Variants in KIF21B observed in about 807,000 individuals in gnomAD.
The protein encoded by KIF21B is kinesin-like protein KIF21B.
Under a neutral mutation model 192.9 loss-of-function variants are expected in KIF21B, and 85 were observed. The ratio of observed to expected loss-of-function variants is 0.44; its 90% confidence interval spans 0.37 to 0.53. The LOEUF (loss-of-function observed/expected upper bound fraction) is 0.53, where lower values mean the gene tolerates loss of function less well. Among genes scored for constraint, KIF21B ranks in the 20% least tolerant of loss-of-function variants. KIF21B has a pLI of 0.00. For synonymous variants in KIF21B, 832 were observed against 884.6 expected (o/e 0.94, Z 1.05); for missense variants, 1,716 against 2,194.8 (o/e 0.78, Z 4.36).
At chr1:201,004,975 C>T in intron 5 of KIF21B, 42 bp from the exon 6 acceptor site, 4 of 1,574,882 alleles carry the variant, frequency 2.5e-6, no homozygotes, top group Non-Finnish European at 3.5e-6. Context: ...CCCTCGCCCA[C>T]CTCACTGGCT....
chr1:200,984,470 C>T (rs1571920016), intron 27 of KIF21B, among the ~76,000 whole-genome samples: 1 of 152,160 alleles, frequency 6.6e-6, no homozygotes, highest in East Asian at 1.9e-4. Context: ...TGGGAGAATG[C>T]ACAGAGAGTG....
chr1:200,996,733 T>C (rs1657092885), intron 14 of KIF21B, among the ~76,000 whole-genome samples: 1 of 152,122 alleles, frequency 6.6e-6, no homozygotes, highest in Admixed American at 6.5e-5. Flanking sequence ...AGGAAAGAGC[T>C]GGGGCCTGTG....
chr1:201,021,678 G>C (rs886930704), intron 1 of KIF21B, among the ~76,000 whole-genome samples: 5 of 152,206 alleles, frequency 3.3e-5, no homozygotes, highest in Non-Finnish European at 7.4e-5. Context: ...CCAGCCTGGA[G>C]ACCTGAACAG....
chr1:200,990,162 G>T lies in KIF21B; in HGVS notation c.3006C>A (p.Thr1002=), dbSNP rs1162904701. 6.2e-7 allele frequency: 1 copy of T among 1,613,910 alleles called. No homozygotes were observed. The highest frequency in any genetic ancestry group is 8.5e-7 in the Non-Finnish European group (1 of 1,179,886). Residue 1002 remains threonine, a synonymous_variant, in exon 20 of 35, where the codon ACC becomes ACA. Transcript: ENST00000461742. This position sits in a 1 kb window ranked among gnomAD's most constrained non-coding sequence, Gnocchi z 5.4. ...CCTTGGTCTCCTCCAGCTGCACGAT[G>T]GTGGCCTGGCAGTCGGTGATGCCGT... ...INDGITDCQA[T]IVQLEETKEE...
Position 201,000,605 on chromosome 1 carries a change from A to G in KIF21B, c.1470T>C (p.Thr490=). The G allele has an allele frequency of 2.5e-6, 4 of 1,613,372 alleles. No individual in the cohort carries two copies. The highest frequency in any genetic ancestry group is 3.4e-6 in the Non-Finnish European group (4 of 1,179,858). ...NYIREIEELR[T]KLLESEAMNE... ...TCATGGCTTCACTCTCTAGAAGCTT[A>G]GTCCTGCACAGGAAGAACGAGTGGA... Residue 490 remains threonine (T), a synonymous_variant, in exon 11 of 35, where the codon ACT becomes ACC. Transcript: ENST00000461742. This position sits in a 1 kb window ranked among gnomAD's most constrained non-coding sequence, Gnocchi z 6.0.
Position 200,982,650 on chromosome 1 carries a change from C to T in KIF21B, c.3842+406G>A, listed in dbSNP as rs1656019202. Among the ~76,000 whole-genome samples the T allele has an allele frequency of 6.6e-6, 1 of 152,166 alleles. No individual in the cohort carries two copies. The highest frequency in any genetic ancestry group is 6.5e-5 in the Admixed American group (1 of 15,284). On this transcript the variant is annotated intron_variant, in intron 28 of 34. Coordinates refer to ENST00000461742, the MANE Select transcript of KIF21B (RefSeq NM_001252102.2). The surrounding 1 kb of genome is among the most constrained non-coding windows in gnomAD (Gnocchi z 4.7). ...GCACAAGCTGAGGGAATCAAAGGAC[C>T]CAGAGCACACCACCGGCACCCCCAA...
At position 200,990,745 on chromosome 1, in the gene KIF21B, G is replaced by T. The variant is rs1250625849; in HGVS notation, c.2688-22C>A. 10 of 1,613,428 alleles carry T rather than the reference G, an allele frequency of 6.2e-6. No individual in the cohort carries two copies. Among genetic ancestry groups the T allele is most frequent in the Non-Finnish European group, 8.5e-6 (10 of 1,179,696 alleles). On this transcript the variant is annotated intron_variant, in intron 18 of 34. Coordinates refer to ENST00000461742, the MANE Select transcript of KIF21B (RefSeq NM_001252102.2). The surrounding 1 kb of genome is among the most constrained non-coding windows in gnomAD (Gnocchi z 5.4). Reference sequence around the variant, plus strand: ...CTTTCTGGGAGACATAGGCAAAGGGGATTGGATGGGACTCCTTTTAACCTC... The same window carrying T: ...CTTTCTGGGAGACATAGGCAAAGGGTATTGGATGGGACTCCTTTTAACCTC...
chr1:201,015,595 C>T (rs1030797974), intron 1 of KIF21B, among the ~76,000 whole-genome samples: 21 of 152,326 alleles, frequency 1.4e-4, no homozygotes, highest in African/African-American at 5.1e-4. Context: ...ATGCCTGGCT[C>T]AGCCTGGGCA....
rs1656190115 is a variant in KIF21B at position 200,984,947 on chromosome 1, G to C, written c.3715C>G (p.Pro1239Ala). Residue 1239 changes from proline to alanine, a missense_variant, in exon 27 of 35, where the codon CCA (proline) becomes GCA (alanine). Pro to Ala is a conservative substitution (Grantham distance 27). Transcript: ENST00000461742. ...CGGGGCCGAGTGGGAGGGGATGATGGGGGTGTGAATCCCACATCTGTGGAC... is the reference window on the plus strand; with the variant it reads ...CGGGGCCGAGTGGGAGGGGATGATGCGGGTGTGAATCCCACATCTGTGGAC... ...IRSTDVGFTPPSSPPTRPRND... is the reference protein window; with the variant it reads ...IRSTDVGFTPASSPPTRPRND... 3 of 1,607,836 alleles carry C rather than the reference G, an allele frequency of 1.9e-6. No individual in the cohort carries two copies. In the East Asian group the frequency reaches 6.8e-5, roughly 36 times the overall value.
rs1655122139 is a variant in KIF21B, at chr1:200,969,607, G to C, written c.*3914C>G. ...TGGGCAGGACATGATTGCTAGAAAA[G>C]AGTTGGTGGGCAGGGCAGGGCCCTG... On this transcript the variant is annotated 3_prime_UTR_variant, in exon 35 of 35. Transcript: ENST00000461742. 1 of 152,758 alleles carries C rather than the reference G, an allele frequency of 6.5e-6. No homozygotes were observed. Among genetic ancestry groups the C allele is most frequent in the South Asian group, 2.1e-4 (1 of 4,836 alleles). The allele number at this position is 152,758 out of a possible 1,614,324, so 9.5% of individuals were successfully genotyped here.
At chr1:200,988,606 G>A (rs1656461529) in intron 22 of KIF21B, 62 bp from the exon 23 acceptor site, 7 of 1,472,622 alleles carry the variant, frequency 4.8e-6, no homozygotes, top group Non-Finnish European at 6.5e-6. Flanking sequence ...TCGGGGGAGG[G>A]ATGATGGTCT....
In KIF21B at chr1:200,990,279, C is replaced by T; in HGVS notation, c.2889G>A (p.Arg963=). 6.2e-7 allele frequency: 1 copy of T among 1,613,734 alleles called. No individual in the cohort carries two copies. Among genetic ancestry groups the T allele is most frequent in the Non-Finnish European group, 8.5e-7 (1 of 1,179,940 alleles). ...LQEALRRKRE[R]LQAESPEEEK... is the part of the protein sequence containing the mutation. ...CTTCCTCGGGGCTCTCAGCCTGCAG[C>T]CGCTCCCGCTTCCTCCGCAGTGCCT... The change falls in exon 20 of 35, where the codon CGG becomes CGA. Residue 963 remains arginine (R), a synonymous_variant. Transcript: ENST00000461742. The surrounding 1 kb of genome is among the most constrained non-coding windows in gnomAD (Gnocchi z 5.4).
At position 201,009,277 on chromosome 1, in the gene KIF21B, C is replaced by T; in HGVS notation, c.253G>A (p.Ala85Thr). 3 of 1,614,122 alleles carry T rather than the reference C, an allele frequency of 1.9e-6. No individual in the cohort carries two copies. The highest frequency in any genetic ancestry group is 2.5e-6 in the Non-Finnish European group (3 of 1,179,980). Residue 85 changes from alanine (A) to threonine (T), a missense_variant, in exon 2 of 35, where the codon GCC becomes ACC. Coordinates refer to ENST00000461742, the MANE Select transcript of KIF21B (RefSeq NM_001252102.2). ...CFEGYNATVL[A>T]YGQTGAGKTY... ...TGAAGATGGCTTACCTGCCCATAGG[C>T]CAGCACCGTGGCATTATAGCCCTCG...
At chr1:200,981,203 G>A (rs1344992854) in intron 28 of KIF21B, 107 bp from the exon 29 acceptor site, 2 of 1,224,966 alleles carry the variant, frequency 1.6e-6, no homozygotes, top group East Asian at 5.4e-5. Context: ...AGGGGATGAG[G>A]ACCAAATAAC....
intron 1 of KIF21B, among the ~76,000 whole-genome samples, chr1:201,015,338 G>A (rs1354695706): frequency 6.6e-6 from 1 of 152,218 alleles, no homozygotes; most frequent in African/African-American, 2.4e-5. Flanking sequence ...GAACCAGACA[G>A]CTGGACTAGA....
chr1:201,003,286 A>C, intron 8 of KIF21B: 1 of 459,642 alleles, frequency 2.2e-6, no homozygotes, highest in Non-Finnish European at 4.0e-6. Context: ...AACACCCTGG[A>C]GAGTGTCTGC....
rs1273292651 is a variant in KIF21B, at chr1:200,990,421, G to A, written c.2836-89C>T. 5.4e-6 allele frequency: 8 copies of A among 1,476,216 alleles called. No homozygotes were observed. The highest frequency in any genetic ancestry group is 2.3e-5 in the East Asian group (1 of 43,618). The allele number at this position is 1,476,216 out of a possible 1,614,324, so 91.4% of individuals were successfully genotyped here. A position where few individuals can be genotyped will look rare whatever the true frequency, so the allele number is the denominator to read the frequency against. The stretch of plus-strand genomic sequence containing the variant: ...TGCCCATAGCTTCCACCACAGGCTG[G>A]CCTGTGAGGTCCCCCCAGCACCTCT... On this transcript the variant is annotated intron_variant, in intron 19 of 34. Transcript: ENST00000461742. The surrounding 1 kb of genome is among the most constrained non-coding windows in gnomAD (Gnocchi z 5.4).
rs1324281887 is a variant in KIF21B, at chr1:200,980,856, C to G, written c.3979+104G>C. On this transcript the variant is annotated intron_variant, in intron 29 of 34. Transcript: ENST00000461742. ...CAAATAGACCCCATATCCTCAACTCCTGGGGGCTCTATGTTCTTTTCTCCT... is the reference window on the plus strand; with the variant it reads ...CAAATAGACCCCATATCCTCAACTCGTGGGGGCTCTATGTTCTTTTCTCCT... The G allele has an allele frequency of 2.8e-6, 4 of 1,424,812 alleles. No individual in the cohort carries two copies. The Admixed American group carries it at 7.6e-5, about 27-fold the overall frequency. The allele number at this position is 1,424,812 out of a possible 1,614,324, so 88.3% of individuals were successfully genotyped here.
At chr1:201,013,359 C>T (rs765398625) in intron 1 of KIF21B, among the ~76,000 whole-genome samples, 2 of 152,180 alleles carry the variant, frequency 1.3e-5, no homozygotes, top group African/African-American at 2.4e-5. Flanking sequence ...CCCGGCCCCA[C>T]CCTTGGTGAG....
Sources: allele counts gnomAD v4.1 joint callset (sites outside exome capture counted in the v4.1 genomes callset), GRCh38; gene constraint gnomAD v4.1.1; non-coding constraint Gnocchi (gnomAD v3.1); transcripts MANE v1.5; gene names NCBI Gene and HGNC (gene_info 2026-07-23, HGNC 2026-07-21).